Variants in GOLPH3 observed in about 807,000 individuals in gnomAD.
GOLPH3 encodes the protein golgi phosphoprotein 3.
GOLPH3 carries 14 observed loss-of-function variants against 28.5 expected under a neutral mutation model. That is an observed-to-expected ratio of 0.49 (90% CI 0.32 to 0.77). The LOEUF (loss-of-function observed/expected upper bound fraction) is 0.77. GOLPH3 is among the 30% of genes least tolerant of loss of function. The pLI is 0.03. For synonymous variants in GOLPH3, 158 were observed against 159.2 expected, an observed-to-expected ratio of 0.99 and a Z score of 0.06; for missense variants, 350 against 393.7, an observed-to-expected ratio of 0.89 and a Z score of 0.94.
intron 2 of GOLPH3, among the ~76,000 whole-genome samples, chr5:32,138,945 T>C (rs1367741970): frequency 6.6e-6 from 1 of 152,372 alleles, no homozygotes; most frequent in East Asian, 1.9e-4. Context: ...ATGGTGGCCA[T>C]TGCCACCACT....
At chr5:32,132,053 G>A (rs1475984759) in intron 3 of GOLPH3, among the ~76,000 whole-genome samples, 1 of 152,202 alleles carries the variant, frequency 6.6e-6, no homozygotes, top group Non-Finnish European at 1.5e-5. Flanking sequence ...CTACTTGGGA[G>A]GCTAAGGCAG....
At chr5:32,134,022 G>A (rs1259942396) in intron 3 of GOLPH3, among the ~76,000 whole-genome samples, 2 of 152,128 alleles carry the variant, frequency 1.3e-5, no homozygotes. Context: ...AGTGTAAAGT[G>A]CCCATTATTG....
At chr5:32,153,099 G>A (rs1746346028) in intron 1 of GOLPH3, among the ~76,000 whole-genome samples, 1 of 152,148 alleles carries the variant, frequency 6.6e-6, no homozygotes, top group South Asian at 2.1e-4. Context: ...GGGACTGGAT[G>A]AATATACAAA....
At position 32,143,885 on chromosome 5, in the gene GOLPH3, T is replaced by G; in HGVS notation, c.226-5A>C. The G allele has an allele frequency of 6.6e-7, 1 of 1,504,882 alleles. No individual in the cohort carries two copies. The allele number at this position is 1,504,882 out of a possible 1,614,324, so 93.2% of individuals were successfully genotyped here. A position where few individuals can be genotyped will look rare whatever the true frequency, so the allele number is the denominator to read the frequency against. ...ATTCCAAAATGATGTGTAACCCTATTAAAAAAAGAAGAAGAAATAAAACAA... is the reference window on the plus strand; with the variant it reads ...ATTCCAAAATGATGTGTAACCCTATGAAAAAAAGAAGAAGAAATAAAACAA... On this transcript the variant is annotated splice_region_variant and splice_polypyrimidine_tract_variant and intron_variant, in intron 1 of 3. Coordinates refer to ENST00000265070, the MANE Select transcript of GOLPH3 (RefSeq NM_022130.4).
At chr5:32,137,900 G>GT (rs1249876195) in intron 2 of GOLPH3, among the ~76,000 whole-genome samples, 49 of 7,364 alleles carry the variant, frequency 6.7e-3, no homozygotes, top group South Asian at 0.015. Flanking sequence ...TAACATTACG[G>GT]TTTTTTTTGT....
chr5:32,152,935 C>T (rs773496969), intron 1 of GOLPH3, among the ~76,000 whole-genome samples: 2 of 152,132 alleles, frequency 1.3e-5, no homozygotes, highest in African/African-American at 2.4e-5. Flanking sequence ...AGAAAAATCA[C>T]ACATAGATTT....
intron 1 of GOLPH3, among the ~76,000 whole-genome samples, chr5:32,147,317 AT>A (rs1314638172): frequency 6.6e-6 from 1 of 152,200 alleles, no homozygotes; most frequent in Non-Finnish European, 1.5e-5. Flanking sequence ...AGCCTACAGA[AT>A]ATTACAATTC....
chr5:32,172,316 T>C (rs1581561549), intron 1 of GOLPH3, among the ~76,000 whole-genome samples: 1 of 151,958 alleles, frequency 6.6e-6, no homozygotes, highest in Non-Finnish European at 1.5e-5. Flanking sequence ...CGCCTATATC[T>C]AGTAAGTTTC....
chr5:32,126,335 G>A lies in GOLPH3; in HGVS notation c.774C>T (p.Asp258=), dbSNP rs34212503. 6.4e-3 allele frequency: 10,364 copies of A among 1,614,014 alleles called. 540 individuals carry two copies. In the African/African-American group the frequency reaches 0.12, roughly 18 times the overall value. The change falls in exon 4 of 4, where the codon GAC becomes GAT. Residue 258 remains aspartate, a synonymous_variant. Transcript: ENST00000265070. ...VLENAFAPLL[D]EQYDLATKRV... is the part of the protein sequence containing the mutation. ...TCTTGGTAGCCAAATCATACTGCTC[G>A]TCCAGAAGAGGAGCAAAAGCATTCT...
intron 1 of GOLPH3, among the ~76,000 whole-genome samples, chr5:32,153,884 C>G (rs1482225114): frequency 1.3e-5 from 2 of 152,162 alleles, no homozygotes; most frequent in Admixed American, 6.6e-5. Flanking sequence ...GAGTGTGGTC[C>G]ATTCCCCACC....
chr5:32,138,300 C>T (rs990804853), intron 2 of GOLPH3, among the ~76,000 whole-genome samples: 1 of 152,126 alleles, frequency 6.6e-6, no homozygotes, highest in Non-Finnish European at 1.5e-5. Flanking sequence ...AAAATATATA[C>T]ATACAGTATC....
intron 1 of GOLPH3, among the ~76,000 whole-genome samples, chr5:32,159,205 C>T (rs1746521068): frequency 6.6e-6 from 1 of 152,126 alleles, no homozygotes; most frequent in Non-Finnish European, 1.5e-5. Context: ...ACTTGGGACC[C>T]GAAGTGTTTC....
intron 1 of GOLPH3, among the ~76,000 whole-genome samples, chr5:32,165,742 C>T (rs192610127): frequency 6.6e-6 from 1 of 152,282 alleles, no homozygotes; most frequent in East Asian, 1.9e-4. Context: ...AGCATGTGCT[C>T]AGTAAACATT....
intron 3 of GOLPH3, among the ~76,000 whole-genome samples, chr5:32,133,486 T>G (rs1745868340): frequency 1.3e-5 from 2 of 152,216 alleles, no homozygotes; most frequent in South Asian, 4.1e-4. Context: ...GGGCCAACAC[T>G]GGCAGCACAA....
chr5:32,129,149 T>G (rs1745767977), intron 3 of GOLPH3, among the ~76,000 whole-genome samples: 1 of 152,106 alleles, frequency 6.6e-6, no homozygotes, highest in Admixed American at 6.5e-5. Context: ...ACCACTGCAC[T>G]CTAGCCTGGG....
chr5:32,142,786 G>A (rs1463339959), intron 2 of GOLPH3, among the ~76,000 whole-genome samples: 1 of 147,332 alleles, frequency 6.8e-6, no homozygotes, highest in Non-Finnish European at 1.5e-5. Flanking sequence ...GAAGTGAGGA[G>A]CCCCTCTGTC....
chr5:32,130,153 T>C (rs1745793537), intron 3 of GOLPH3, among the ~76,000 whole-genome samples: 1 of 152,192 alleles, frequency 6.6e-6, no homozygotes, highest in Non-Finnish European at 1.5e-5. Flanking sequence ...TTCCATTTTT[T>C]TATAATTGTG....
rs1581560431 is a variant in GOLPH3 at position 32,170,194 on chromosome 5, C to T, written c.225+3616G>A. ...TCTCACACGATATGGATGAATCTCA[C>T]ATTGAACAAAAAGCAGACACAAAGT... On this transcript the variant is annotated intron_variant, in intron 1 of 3. Coordinates refer to ENST00000265070, the MANE Select transcript of GOLPH3 (RefSeq NM_022130.4). Among the ~76,000 whole-genome samples, 5 of 152,256 alleles carry T rather than the reference C, an allele frequency of 3.3e-5. 1 individual carries two copies. Among genetic ancestry groups the T allele is most frequent in the Admixed American group, 3.3e-4 (5 of 15,288 alleles).
chr5:32,128,895 C>G (rs2111833978), intron 3 of GOLPH3, among the ~76,000 whole-genome samples: 1 of 152,128 alleles, frequency 6.6e-6, no homozygotes, highest in South Asian at 2.1e-4. Flanking sequence ...CAGTCCCAGC[C>G]TGGGCAACAT....
Sources: gnomAD v4.1 joint callset for allele counts (sites outside exome capture counted in the v4.1 genomes callset) on GRCh38, gnomAD v4.1.1 for gene constraint, MANE v1.5 for transcripts, NCBI Gene and HGNC (gene_info 2026-07-23, HGNC 2026-07-21) for gene names.